UBE3C: variants seen among roughly 807,000 people sequenced by gnomAD.
The protein encoded by UBE3C is ubiquitin-protein ligase E3C.
UBE3C carries 42 observed loss-of-function variants against 129.4 expected under a neutral mutation model. That is an observed-to-expected ratio of 0.32 (90% CI 0.25 to 0.42). The LOEUF (loss-of-function observed/expected upper bound fraction) is 0.42, where lower values mean the gene tolerates loss of function less well. Among genes scored for constraint, UBE3C ranks in the 10% least tolerant of loss-of-function variants. UBE3C has a pLI of 1.00. For synonymous variants in UBE3C, 510 were observed against 492.4 expected (o/e 1.04, Z -0.47); for missense variants, 1,049 against 1,319.1 (o/e 0.80, Z 3.17).
At chr7:157,236,744 T>G (rs1408316339) in intron 18 of UBE3C, among the ~76,000 whole-genome samples, 1 of 152,028 alleles carries the variant, frequency 6.6e-6, no homozygotes, top group Non-Finnish European at 1.5e-5. Context: ...TTTTTTCTCT[T>G]TTTTTGAGAT....
intron 14 of UBE3C, among the ~76,000 whole-genome samples, chr7:157,219,665 A>G (rs1404230044): frequency 6.6e-6 from 1 of 152,060 alleles, no homozygotes; most frequent in Non-Finnish European, 1.5e-5. Flanking sequence ...ACTTTGGGAG[A>G]CCGAAGTATG....
intron 17 of UBE3C, among the ~76,000 whole-genome samples, chr7:157,227,308 G>A (rs1047394924): frequency 1.1e-4 from 17 of 152,186 alleles, no homozygotes; most frequent in Non-Finnish European, 2.5e-4. Context: ...GGGCACGGGT[G>A]CTGTGGTCAG....
chr7:157,198,288 C>T (rs1809180039), intron 10 of UBE3C: 3 of 924,486 alleles, frequency 3.2e-6, no homozygotes, highest in Non-Finnish European at 3.6e-6. Context: ...CTCTTGAAGA[C>T]TGCAGCTTTA....
intron 10 of UBE3C, chr7:157,197,540 G>A: frequency 2.2e-6 from 2 of 927,760 alleles, no homozygotes; most frequent in Admixed American, 2.4e-5. Context: ...TGGAGGTATT[G>A]TCCTTATTAA....
At chr7:157,237,754 T>C (rs1437666129) in intron 18 of UBE3C, among the ~76,000 whole-genome samples, 2 of 151,974 alleles carry the variant, frequency 1.3e-5, no homozygotes, top group South Asian at 4.2e-4. Context: ...ACAAATAATC[T>C]AAAAAATAGT....
At chr7:157,186,007 A>G (rs551151910) in intron 9 of UBE3C, among the ~76,000 whole-genome samples, 3 of 152,312 alleles carry the variant, frequency 2.0e-5, no homozygotes, top group Non-Finnish European at 4.4e-5. Flanking sequence ...AAAAAAGTAT[A>G]TATCTTTGGT....
chr7:157,226,366 G>C (rs1419133670), intron 17 of UBE3C, among the ~76,000 whole-genome samples: 1 of 152,202 alleles, frequency 6.6e-6, no homozygotes, highest in Non-Finnish European at 1.5e-5. Flanking sequence ...ACTCAGTCTT[G>C]AAAGTTCGTG....
intron 14 of UBE3C, 71 bp from the exon 15 acceptor site, chr7:157,220,618 G>C (rs1388438415): frequency 6.3e-7 from 1 of 1,578,056 alleles, no homozygotes; most frequent in African/African-American, 1.3e-5. Flanking sequence ...CACCAATTCT[G>C]TTCAAGTGTG....
intron 1 of UBE3C, among the ~76,000 whole-genome samples, chr7:157,160,261 G>C (rs889548747): frequency 1.3e-5 from 2 of 152,068 alleles, no homozygotes; most frequent in African/African-American, 4.8e-5. Flanking sequence ...TTTTAGTAGA[G>C]ACGGGGTTCC....
intron 10 of UBE3C, among the ~76,000 whole-genome samples, chr7:157,193,586 C>T (rs1033317621): frequency 4.6e-5 from 7 of 151,888 alleles, no homozygotes; most frequent in African/African-American, 1.7e-4. Flanking sequence ...ATCTATCCCA[C>T]TATGTGGGAG....
chr7:157,177,082 T>C (rs747534210), intron 5 of UBE3C, among the ~76,000 whole-genome samples: 49 of 152,200 alleles, frequency 3.2e-4, no homozygotes, highest in Admixed American at 1.2e-3. Context: ...ATAGTAGTTA[T>C]ATATTTCACT....
At chr7:157,242,293 CTGT>C (rs1432951070) in intron 18 of UBE3C, among the ~76,000 whole-genome samples, 1 of 152,158 alleles carries the variant, frequency 6.6e-6, no homozygotes, top group East Asian at 1.9e-4. Context: ...AGAGCATGAG[CTGT>C]TGTTAGGGAA....
At chr7:157,150,491 G>C (rs910330554) in intron 1 of UBE3C, among the ~76,000 whole-genome samples, 4 of 152,174 alleles carry the variant, frequency 2.6e-5, no homozygotes, top group African/African-American at 9.7e-5. Context: ...AAGAGAAGAT[G>C]CATGGGAAAG....
At chr7:157,217,077 CAT>C (rs1162217735) in intron 14 of UBE3C, 106 bp downstream of exon 14, 4 of 843,406 alleles carry the variant, frequency 4.7e-6, no homozygotes, top group South Asian at 1.8e-5. Context: ...TTTTATGACT[CAT>C]ATGACTAAAT....
intron 2 of UBE3C, among the ~76,000 whole-genome samples, chr7:157,167,247 T>C (rs1808242731): frequency 6.6e-6 from 1 of 151,816 alleles, no homozygotes; most frequent in African/African-American, 2.4e-5. Context: ...GATTTTTTTA[T>C]AACCATTTCA....
chr7:157,183,785 C>T lies in UBE3C; in HGVS notation c.992-93C>T, dbSNP rs1808732407. 10 of 1,424,792 alleles carry T rather than the reference C, an allele frequency of 7.0e-6. No individual in the cohort carries two copies. In the Admixed American group the frequency reaches 2.1e-4, roughly 31 times the overall value. 88.3% of individuals were successfully genotyped at this position (1,424,792 alleles called of 1,614,324 possible). On this transcript the variant is annotated intron_variant, in intron 8 of 22. Transcript: ENST00000348165. ...TAAAAATAAGATCTGGTCAGAAATGCCTCTCTGCGTGTGAGGAAAAATGGC... is the reference window on the plus strand; with the variant it reads ...TAAAAATAAGATCTGGTCAGAAATGTCTCTCTGCGTGTGAGGAAAAATGGC...
At chr7:157,211,192 G>GAGAGAGAGAGAGAGCC (rs1429760772) in intron 13 of UBE3C, among the ~76,000 whole-genome samples, 1 of 150,494 alleles carries the variant, frequency 6.6e-6, no homozygotes, top group Admixed American at 6.6e-5. Flanking sequence ...GAGAGAGAGA[G>GAGAGAGAGAGAGAGCC]AGCCATACTA....
chr7:157,216,898 C>A lies in UBE3C; in HGVS notation c.1841C>A (p.Ser614Tyr). 1.2e-6 allele frequency: 2 copies of A among 1,613,930 alleles called. No homozygotes were observed. The highest frequency in any genetic ancestry group is 1.7e-6 in the Non-Finnish European group (2 of 1,179,970). Reference protein sequence around the residue: ...VITNLVKMLKSRDTRRNFCPP... With the variant: ...VITNLVKMLKYRDTRRNFCPP... ...ACCAATCTAGTGAAAATGTTGAAGT[C>A]CAGAGACACGAGGAGAAATTTTTGT... The change falls in exon 14 of 23, where the codon TCC becomes TAC. Residue 614 changes from serine to tyrosine, a missense_variant. By Grantham distance (144) the Ser-to-Tyr change is moderately radical (BLOSUM62 -2). Transcript: ENST00000348165.
intron 18 of UBE3C, among the ~76,000 whole-genome samples, chr7:157,238,563 G>A (rs552461646): frequency 6.6e-6 from 1 of 152,204 alleles, no homozygotes; most frequent in Non-Finnish European, 1.5e-5. Context: ...AGGTCATGCT[G>A]ACTAAGCTGG....
Sources: allele counts gnomAD v4.1 joint callset (sites outside exome capture counted in the v4.1 genomes callset), GRCh38; gene constraint gnomAD v4.1.1; transcripts MANE v1.5; gene names NCBI Gene and HGNC (gene_info 2026-07-23, HGNC 2026-07-21).